ERC1: variants seen among roughly 807,000 people sequenced by gnomAD.
ERC1 encodes the protein RAB6 interacting protein 2.
ERC1 carries 56 observed loss-of-function variants against 132.0 expected under a neutral mutation model. That is an observed-to-expected ratio of 0.42 (90% CI 0.34 to 0.53). The LOEUF (loss-of-function observed/expected upper bound fraction) is 0.53. ERC1 is among the 20% of genes least tolerant of loss of function. The pLI is 0.03. For synonymous variants in ERC1, 478 were observed against 476.1 expected, an observed-to-expected ratio of 1.00 and a Z score of -0.05; for missense variants, 1,202 against 1,349.9, an observed-to-expected ratio of 0.89 and a Z score of 1.72.
chr12:1,001,008 A>C (rs1962151159), intron 1 of ERC1, among the ~76,000 whole-genome samples: 1 of 152,074 alleles, frequency 6.6e-6, no homozygotes, highest in African/African-American at 2.4e-5. Context: ...GGTTCAAGCG[A>C]TTCTCCTGCC....
At chr12:1,042,944 T>C (rs978425220) in intron 2 of ERC1, among the ~76,000 whole-genome samples, 3 of 152,180 alleles carry the variant, frequency 2.0e-5, no homozygotes, top group Non-Finnish European at 4.4e-5. Context: ...CAGTCTTTCC[T>C]GTCTTGTAAT....
chr12:1,196,842 CTGTCTG>C (rs1314188528), intron 12 of ERC1, among the ~76,000 whole-genome samples: 298 of 124,826 alleles, frequency 2.4e-3, no homozygotes, highest in Non-Finnish European at 3.7e-3. Flanking sequence ...GTCTGTCTCT[CTGTCTG>C]TCTCTCTCTC....
intron 8 of ERC1, chr12:1,153,159 GA>G (rs1178212260): frequency 2.0e-5 from 3 of 152,254 alleles, no homozygotes; most frequent in African/African-American, 7.2e-5. Flanking sequence ...CCGTACATCA[GA>G]AGAGCAAACC....
At chr12:1,477,440 C>A (rs79714602) in intron 18 of ERC1, among the ~76,000 whole-genome samples, 8 of 152,034 alleles carry the variant, frequency 5.3e-5, no homozygotes, top group Non-Finnish European at 1.0e-4. Context: ...AACCCCTGCA[C>A]GTGTGAGACT....
chr12:1,066,939 A>C (rs1306744248), intron 2 of ERC1, among the ~76,000 whole-genome samples: 1 of 151,868 alleles, frequency 6.6e-6, no homozygotes, highest in East Asian at 1.9e-4. Context: ...AGTTGAAAAT[A>C]TGGAACTATA....
At chr12:1,414,711 A>C (rs2092028466) in intron 17 of ERC1, among the ~76,000 whole-genome samples, 1 of 147,906 alleles carries the variant, frequency 6.8e-6, no homozygotes, top group East Asian at 2.0e-4. Context: ...ACCTCCTTTT[A>C]CCCTCCCTCC....
chr12:1,383,241 T>C (rs918671279), intron 16 of ERC1, among the ~76,000 whole-genome samples: 1 of 152,154 alleles, frequency 6.6e-6, no homozygotes, highest in Non-Finnish European at 1.5e-5. Context: ...CTCCTCTCCC[T>C]GTTTCTTCTG....
chr12:1,176,582 CTTTTTTTTTCCTTT>C (rs1401846091), intron 8 of ERC1, among the ~76,000 whole-genome samples: 1 of 148,668 alleles, frequency 6.7e-6, no homozygotes, highest in Admixed American at 6.7e-5. Context: ...TTTTTCTTTT[CTTTTTTTTTCCTTT>C]TTGAGACAGA....
chr12:1,065,214 T>TCA (rs1429983518), intron 2 of ERC1, among the ~76,000 whole-genome samples: 2 of 152,100 alleles, frequency 1.3e-5, no homozygotes, highest in African/African-American at 4.8e-5. Flanking sequence ...ATGGCCAGGC[T>TCA]GGTCTCAAAC....
chr12:990,610 C>A (rs908452551), upstream of ERC1: 2 of 152,210 alleles, frequency 1.3e-5, no homozygotes, highest in Non-Finnish European at 2.9e-5. Flanking sequence ...TGCCCGTGTG[C>A]GCAGCCCCGC....
At chr12:1,140,041 C>G (rs1236847192) in intron 7 of ERC1, among the ~76,000 whole-genome samples, 1 of 152,036 alleles carries the variant, frequency 6.6e-6, no homozygotes, top group Non-Finnish European at 1.5e-5. Flanking sequence ...TGAATAATGA[C>G]AAATGGGAGC....
chr12:1,203,176 G>A (rs1160138075), intron 12 of ERC1, among the ~76,000 whole-genome samples: 2 of 152,202 alleles, frequency 1.3e-5, no homozygotes, highest in Admixed American at 1.3e-4. Flanking sequence ...TTGTGCCTCA[G>A]CCTCCTGAGT....
intron 12 of ERC1, among the ~76,000 whole-genome samples, chr12:1,197,645 C>T (rs187496687): frequency 8.6e-4 from 131 of 152,316 alleles, no homozygotes; most frequent in African/African-American, 2.9e-3. Flanking sequence ...TTAAGGGATA[C>T]GTCTGGCTCA....
intron 12 of ERC1, among the ~76,000 whole-genome samples, chr12:1,224,564 T>G (rs1026888001): frequency 6.6e-6 from 1 of 152,136 alleles, no homozygotes; most frequent in African/African-American, 2.4e-5. Context: ...TAGTCTGATA[T>G]AGGCAAACAA....
At chr12:997,575 T>C (rs1961184033) in intron 1 of ERC1, among the ~76,000 whole-genome samples, 1 of 152,148 alleles carries the variant, frequency 6.6e-6, no homozygotes, top group Non-Finnish European at 1.5e-5. Context: ...GCATAGAGGA[T>C]AATGGCAGCT....
intron 12 of ERC1, among the ~76,000 whole-genome samples, chr12:1,226,874 G>A (rs898101641): frequency 1.3e-5 from 2 of 152,112 alleles, no homozygotes; most frequent in South Asian, 2.1e-4. Flanking sequence ...ATGGGGTTGC[G>A]CCATGTTGGC....
At chr12:1,445,546 C>G (rs556421295) in intron 18 of ERC1, among the ~76,000 whole-genome samples, 2 of 152,194 alleles carry the variant, frequency 1.3e-5, no homozygotes, top group African/African-American at 4.8e-5. Context: ...TACGCTAGAT[C>G]TCCTGAAGGT....
chr12:1,353,964 G>T (rs1211475260), intron 15 of ERC1, among the ~76,000 whole-genome samples: 5 of 151,072 alleles, frequency 3.3e-5, no homozygotes, highest in Non-Finnish European at 5.9e-5. Flanking sequence ...GCTTCCAGGG[G>T]ACCACCTTCT....
At chr12:1,005,566 T>G (rs1963412950) in intron 1 of ERC1, among the ~76,000 whole-genome samples, 1 of 152,204 alleles carries the variant, frequency 6.6e-6, no homozygotes, top group Non-Finnish European at 1.5e-5. Flanking sequence ...GGCTATTTCA[T>G]GTGATTTTTC....
Sources: gnomAD v4.1 joint callset for allele counts (sites outside exome capture counted in the v4.1 genomes callset) on GRCh38, gnomAD v4.1.1 for gene constraint, MANE v1.5 for transcripts, NCBI Gene and HGNC (gene_info 2026-07-23, HGNC 2026-07-21) for gene names.